The following TMEM63C variants were observed in gnomAD, a reference collection of about 807,000 sequenced individuals.
The protein encoded by TMEM63C is osmosensitive cation channel TMEM63C.
TMEM63C carries 32 observed loss-of-function variants against 99.2 expected under a neutral mutation model. The observed-to-expected ratio is 0.32, with a 90% CI of 0.24 to 0.43. TMEM63C has a LOEUF of 0.43. Among genes scored for constraint, TMEM63C ranks in the 20% least tolerant of loss-of-function variants. TMEM63C has a pLI of 1.00. For missense variants in TMEM63C, 826 were observed against 1,053.0 expected (o/e 0.78, Z 2.98); for synonymous variants, 376 against 397.9 (o/e 0.94, Z 0.66).
Position 77,251,811 on chromosome 14 carries a change from C to T in TMEM63C, c.2061C>T (p.Ile687=), listed in dbSNP as rs1002197912. 3 of 1,614,022 alleles carry T rather than the reference C, an allele frequency of 1.9e-6. No individual in the cohort carries two copies. Among genetic ancestry groups the T allele is most frequent in the Non-Finnish European group, 2.5e-6 (3 of 1,179,884 alleles). The change falls in exon 22 of 24, where the codon ATC becomes ATT. Residue 687 remains isoleucine (I), a synonymous_variant. Transcript: ENST00000298351. ...CAGGTTCTCTCCACGCCATCACCAT[C>T]TTTTCCCTGTCCACCCTCCTCATTG... ...LRLGSLHAIT[I]FSLSTLLIAM...
intron 21 of TMEM63C, 81 bp downstream of exon 21, chr14:77,249,539 G>A: frequency 6.6e-7 from 1 of 1,505,396 alleles, no homozygotes. Flanking sequence ...CCCTGTTAGA[G>A]GAGAAAAGCC....
intron 2 of TMEM63C, among the ~76,000 whole-genome samples, chr14:77,218,521 ATTTTAC>A (rs1296224213): frequency 9.9e-5 from 15 of 152,242 alleles, no homozygotes; most frequent in African/African-American, 3.6e-4. Flanking sequence ...TTGGATGTGC[ATTTTAC>A]AACTCTTGTT....
intron 23 of TMEM63C, 121 bp from the exon 24 acceptor site, chr14:77,256,405 G>T: frequency 1.1e-6 from 1 of 940,650 alleles, no homozygotes; most frequent in Non-Finnish European, 1.6e-6. Flanking sequence ...GGGGAAGAAG[G>T]CAGGCTCCAA....
chr14:77,188,708 GA>G (rs981767167), intron 1 of TMEM63C, among the ~76,000 whole-genome samples: 4 of 150,946 alleles, frequency 2.6e-5, no homozygotes, highest in South Asian at 2.1e-4. Context: ...TATCTACTAA[GA>G]AAAAAAAATA....
At chr14:77,189,559 G>T (rs1334069000) in intron 1 of TMEM63C, among the ~76,000 whole-genome samples, 1 of 152,208 alleles carries the variant, frequency 6.6e-6, no homozygotes, top group Non-Finnish European at 1.5e-5. Context: ...GGAAAAGGAA[G>T]GACTTCTAAC....
At chr14:77,227,662 G>A (rs1003953122) in intron 6 of TMEM63C, among the ~76,000 whole-genome samples, 1 of 152,222 alleles carries the variant, frequency 6.6e-6, no homozygotes, top group African/African-American at 2.4e-5. Context: ...GCATCCTCTG[G>A]GCTGGACTCA....
intron 14 of TMEM63C, 55 bp downstream of exon 14, chr14:77,242,524 G>C (rs1193644865): frequency 6.3e-7 from 1 of 1,598,614 alleles, no homozygotes; most frequent in African/African-American, 1.3e-5. Context: ...ACTGAAGAAG[G>C]CAGCAGGACA....
Position 77,242,924 on chromosome 14 carries a change from C to A in TMEM63C, c.1209C>A (p.Arg403=). The change falls in exon 15 of 24, where the codon CGC becomes CGA. Residue 403 remains arginine (R), a synonymous_variant. Transcript: ENST00000298351. ...CCAGGAAACACCTGTCTGTCCGCCG[C>A]TTCTTTTGGTGGGCCCGCTTTATCG... ...DIIWKHLSVR[R]FFWWARFIAI... 6.2e-7 allele frequency: 1 copy of A among 1,614,052 alleles called. No individual in the cohort carries two copies. The highest frequency in any genetic ancestry group is 8.5e-7 in the Non-Finnish European group (1 of 1,179,900).
Position 77,244,443 on chromosome 14 carries a change from C to A in TMEM63C, c.1436C>A (p.Ala479Asp). ...LIVYFSAFLE[A>D]HWTRSSQNLV... is the part of the protein sequence containing the mutation. Reference sequence around the variant, plus strand: ...GTCTACTTCTCCGCCTTCCTCGAGGCCCACTGGACCAGGTGACCTGGGGGC... The same window carrying A: ...GTCTACTTCTCCGCCTTCCTCGAGGACCACTGGACCAGGTGACCTGGGGGC... The change falls in exon 16 of 24, where the codon GCC (alanine) becomes GAC (aspartate). Residue 479 changes from alanine to aspartate, a missense_variant. Physicochemically the swap from Ala to Asp is moderately radical, Grantham distance 126. Coordinates refer to ENST00000298351, the MANE Select transcript of TMEM63C (RefSeq NM_020431.4). 5.0e-6 allele frequency: 8 copies of A among 1,613,642 alleles called. No individual in the cohort carries two copies. The highest frequency in any genetic ancestry group is 6.8e-6 in the Non-Finnish European group (8 of 1,179,662).
intron 1 of TMEM63C, among the ~76,000 whole-genome samples, chr14:77,199,407 G>A (rs1158885336): frequency 6.6e-6 from 1 of 152,136 alleles, no homozygotes; most frequent in Non-Finnish European, 1.5e-5. Context: ...CTCATGATCT[G>A]GTCCCAACTT....
intron 18 of TMEM63C, among the ~76,000 whole-genome samples, chr14:77,247,457 T>A (rs902806860): frequency 6.6e-6 from 1 of 152,122 alleles, no homozygotes; most frequent in African/African-American, 2.4e-5. Context: ...CACCTCAGCC[T>A]CCTAAAATGC....
At chr14:77,220,934 A>T (rs545708551) in intron 5 of TMEM63C, among the ~76,000 whole-genome samples, 6 of 5,136 alleles carry the variant, frequency 1.2e-3, no homozygotes, top group Admixed American at 3.9e-3. Context: ...TCTCCCACCC[A>T]CGCCTCCCCT....
chr14:77,212,010 A>T (rs1382708283), intron 1 of TMEM63C, among the ~76,000 whole-genome samples: 1 of 152,212 alleles, frequency 6.6e-6, no homozygotes, highest in Non-Finnish European at 1.5e-5. Flanking sequence ...GGACCTTTCC[A>T]TCCTCACATC....
chr14:77,185,780 G>A (rs960913677), intron 1 of TMEM63C, among the ~76,000 whole-genome samples: 4 of 152,138 alleles, frequency 2.6e-5, no homozygotes, highest in African/African-American at 4.8e-5. Flanking sequence ...TGGGAGCTGC[G>A]TTCCCACCTA....
At chr14:77,187,714 A>G (rs1462211714) in intron 1 of TMEM63C, among the ~76,000 whole-genome samples, 2 of 152,222 alleles carry the variant, frequency 1.3e-5, no homozygotes, top group Admixed American at 6.5e-5. Context: ...ATCTGTTCCC[A>G]GAGACAGAGG....
intron 5 of TMEM63C, among the ~76,000 whole-genome samples, chr14:77,222,883 CA>C (rs1166281006): frequency 6.6e-6 from 1 of 152,242 alleles, no homozygotes; most frequent in Non-Finnish European, 1.5e-5. Flanking sequence ...CCCTCATCTG[CA>C]AGATCAGTCT....
intron 16 of TMEM63C, 49 bp from the exon 17 acceptor site, chr14:77,245,891 T>C (rs371948666): frequency 7.5e-5 from 108 of 1,431,418 alleles, no homozygotes; most frequent in Non-Finnish European, 1.0e-4. Context: ...AGGCCTTTGG[T>C]TCTTATTAGG....
Position 77,231,750 on chromosome 14 carries a change from CCCTGGGGCAGCAGCTGGA to C in TMEM63C, c.493+25_493+42del, listed in dbSNP as rs1365601557. ...TTCTGGGTAGGCAAAGCTCAGCTGGCCCTGGGGCAGCAGCTGGACCTGAGAGGCAGCCAGGCAAGCCAG... is the reference window on the plus strand; with the variant it reads ...TTCTGGGTAGGCAAAGCTCAGCTGGCCCTGAGAGGCAGCCAGGCAAGCCAG... On this transcript the variant is annotated intron_variant, in intron 7 of 23. Transcript: ENST00000298351. 6.4e-7 allele frequency: 1 copy of C among 1,551,136 alleles called. No homozygotes were observed. Among genetic ancestry groups the C allele is most frequent in the Non-Finnish European group, 8.7e-7 (1 of 1,146,856 alleles).
At chr14:77,236,854 G>C (rs1388743067) in intron 9 of TMEM63C, 122 bp downstream of exon 9, 2 of 703,700 alleles carry the variant, frequency 2.8e-6, no homozygotes, top group Non-Finnish European at 5.0e-6. Flanking sequence ...TAGATGGGAG[G>C]GGGCGGTTTC....
Sources: allele counts gnomAD v4.1 joint callset (sites outside exome capture counted in the v4.1 genomes callset), GRCh38; gene constraint gnomAD v4.1.1; transcripts MANE v1.5; gene names NCBI Gene and HGNC (gene_info 2026-07-23, HGNC 2026-07-21).